Variants in CYB5B observed in about 807,000 individuals in gnomAD.
The protein encoded by CYB5B is cytochrome b5 type B (outer mitochondrial membrane).
Under a neutral mutation model 21.3 loss-of-function variants are expected in CYB5B, and 14 were observed. The ratio of observed to expected loss-of-function variants is 0.66; its 90% CI spans 0.43 to 1.03. The LOEUF (loss-of-function observed/expected upper bound fraction) is 1.03, where lower values mean the gene tolerates loss of function less well. Ranked by LOEUF, CYB5B falls within the 50% of genes least tolerant of loss-of-function variation. CYB5B has a pLI of 0.00. For missense variants in CYB5B, 166 were observed against 185.1 expected (o/e 0.90, Z 0.60); for synonymous variants, 69 against 68.4 (o/e 1.01, Z -0.04).
chr16:69,436,908 T>C (rs1411905040), intron 1 of CYB5B, among the ~76,000 whole-genome samples: 1 of 152,246 alleles, frequency 6.6e-6, no homozygotes, highest in South Asian at 2.1e-4. Flanking sequence ...GAATTAGTAA[T>C]CTGGAAGTAT....
At chr16:69,440,167 A>G (rs1044452786) in intron 1 of CYB5B, among the ~76,000 whole-genome samples, 1 of 152,194 alleles carries the variant, frequency 6.6e-6, no homozygotes, top group Non-Finnish European at 1.5e-5. Context: ...CAGCCACTGC[A>G]CCTGGCCCAT....
rs148498881 is a variant in CYB5B, at chr16:69,463,910, A to G, written c.*1390A>G. 3.3e-5 allele frequency: 5 copies of G among 152,184 alleles called. No individual in the cohort carries two copies. The highest frequency in any genetic ancestry group is 1.2e-4 in the African/African-American group (5 of 41,522). 9.4% of individuals were successfully genotyped at this position (152,184 alleles called of 1,614,324 possible). ...ATATTAGACTTTTATTTTTTCCCCC[A>G]TGGAAGCACTTGAGGAAATAAATAG... On this transcript the variant is annotated 3_prime_UTR_variant, in exon 5 of 5. Coordinates refer to ENST00000307892, the MANE Select transcript of CYB5B (RefSeq NM_030579.3).
Position 69,445,792 on chromosome 16 carries a change from A to G in CYB5B, c.175-1358A>G, listed in dbSNP as rs143980446. 2.3e-3 allele frequency among the ~76,000 whole-genome samples: 355 copies of G among 152,156 alleles called. 17 individuals carry two copies. In the East Asian group the frequency reaches 0.06, roughly 26 times the overall value. On this transcript the variant is annotated intron_variant, in intron 1 of 4. Transcript: ENST00000307892. Reference sequence around the variant, plus strand: ...CAACATGGAGAAAAACCCCGTCTCTATTAAAAATACAAAATTAGCTGGGCA... The same window carrying G: ...CAACATGGAGAAAAACCCCGTCTCTGTTAAAAATACAAAATTAGCTGGGCA...
chr16:69,435,325 A>G (rs570865021), intron 1 of CYB5B, among the ~76,000 whole-genome samples: 40 of 152,320 alleles, frequency 2.6e-4, no homozygotes, highest in African/African-American at 9.6e-4. Flanking sequence ...TTTTAATACA[A>G]AATTGCATTT....
At chr16:69,434,950 G>A (rs2014745264) in intron 1 of CYB5B, among the ~76,000 whole-genome samples, 7 of 151,736 alleles carry the variant, frequency 4.6e-5, no homozygotes, top group Non-Finnish European at 8.8e-5. Flanking sequence ...GACTAATGAT[G>A]TTGTATCTTT....
intron 1 of CYB5B, among the ~76,000 whole-genome samples, chr16:69,442,856 G>T (rs1346274423): frequency 2.1e-5 from 3 of 143,594 alleles, no homozygotes; most frequent in Non-Finnish European, 1.5e-5. Flanking sequence ...AATTCTGAGA[G>T]TCTCTAGCTC....
intron 2 of CYB5B, 105 bp from the exon 3 acceptor site, chr16:69,448,010 C>A: frequency 1.7e-6 from 2 of 1,186,678 alleles, no homozygotes; most frequent in Non-Finnish European, 2.4e-6. Flanking sequence ...AGGGAATTCA[C>A]TATCACCAGA....
intron 1 of CYB5B, among the ~76,000 whole-genome samples, chr16:69,445,359 A>G (rs1021952594): frequency 6.6e-6 from 1 of 152,196 alleles, no homozygotes; most frequent in Non-Finnish European, 1.5e-5. Context: ...TAAAAATAGA[A>G]GTTATCCTTA....
At chr16:69,445,878 C>A (rs187569519) in intron 1 of CYB5B, among the ~76,000 whole-genome samples, 2 of 152,258 alleles carry the variant, frequency 1.3e-5, no homozygotes, top group Admixed American at 1.3e-4. Flanking sequence ...ATCGCTTGAA[C>A]CCGGGTGGCA....
At chr16:69,441,185 G>C (rs1054435966) in intron 1 of CYB5B, among the ~76,000 whole-genome samples, 1 of 120,398 alleles carries the variant, frequency 8.3e-6, no homozygotes, top group African/African-American at 3.3e-5. Context: ...ATGGAGTCTT[G>C]CTCTGTTGCC....
At chr16:69,444,313 G>A (rs2014855460) in intron 1 of CYB5B, 1 of 152,688 alleles carries the variant, frequency 6.5e-6, no homozygotes, top group Middle Eastern at 3.1e-3. Context: ...CTGAGAGCTG[G>A]TCTGGCTTCT....
chr16:69,438,831 C>T (rs1431718550), intron 1 of CYB5B, among the ~76,000 whole-genome samples: 1 of 152,112 alleles, frequency 6.6e-6, no homozygotes, highest in Non-Finnish European at 1.5e-5. Flanking sequence ...TGTTAGGTTA[C>T]AGTTCTTTAT....
chr16:69,461,734 A>G (rs1403105632), intron 4 of CYB5B, among the ~76,000 whole-genome samples: 1 of 152,170 alleles, frequency 6.6e-6, no homozygotes, highest in Non-Finnish European at 1.5e-5. Context: ...CCCTGTTAGA[A>G]CTGTATATGC....
intron 1 of CYB5B, among the ~76,000 whole-genome samples, chr16:69,428,670 GAAA>G (rs1683100975): frequency 6.6e-6 from 1 of 151,792 alleles, no homozygotes; most frequent in Admixed American, 6.6e-5. Context: ...AAAAAAAAAA[GAAA>G]AATAATACAG....
chr16:69,427,252 AATC>A (rs1380608254), intron 1 of CYB5B, among the ~76,000 whole-genome samples: 1 of 152,108 alleles, frequency 6.6e-6, no homozygotes, highest in African/African-American at 2.4e-5. Flanking sequence ...AGAAAAAAAA[AATC>A]ATGTTTTTCA....
At position 69,447,162 on chromosome 16, in the gene CYB5B, G is replaced by A; in HGVS notation, c.187G>A (p.Glu63Lys). ...TRFLNEHPGGEEVLLEQAGVD... is the reference protein window; with the variant it reads ...TRFLNEHPGGKEVLLEQAGVD... ...CTTTTCCTTGTAGCACCCTGGAGGA[G>A]AAGAGGTTCTGCTGGAACAAGCTGG... The change falls in exon 2 of 5, where the codon GAA becomes AAA. Residue 63 changes from glutamate to lysine, a missense_variant. Coordinates refer to ENST00000307892, the MANE Select transcript of CYB5B (RefSeq NM_030579.3). 6.2e-7 allele frequency: 1 copy of A among 1,614,078 alleles called. No individual in the cohort carries two copies. The highest frequency in any genetic ancestry group is 8.5e-7 in the Non-Finnish European group (1 of 1,179,972).
chr16:69,462,944 T>G lies in CYB5B; in HGVS notation c.*424T>G, dbSNP rs763429881. ...ATTTTTCTTTTAAGTAAATTTTTTTTAAAAAATTCTGATTTAGGGCTAGGT... is the reference window on the plus strand; with the variant it reads ...ATTTTTCTTTTAAGTAAATTTTTTTGAAAAAATTCTGATTTAGGGCTAGGT... On this transcript the variant is annotated 3_prime_UTR_variant, in exon 5 of 5. Coordinates refer to ENST00000307892, the MANE Select transcript of CYB5B (RefSeq NM_030579.3). The G allele has an allele frequency of 6.3e-6, 1 of 159,610 alleles. No homozygotes were observed. The highest frequency in any genetic ancestry group is 1.4e-5 in the Non-Finnish European group (1 of 71,952). The allele number at this position is 159,610 out of a possible 1,614,324, so 9.9% of individuals were successfully genotyped here.
chr16:69,434,463 A>C (rs1423068337), intron 1 of CYB5B, among the ~76,000 whole-genome samples: 2 of 152,182 alleles, frequency 1.3e-5, no homozygotes, highest in African/African-American at 4.8e-5. Flanking sequence ...GCATTTTCCA[A>C]AGTGTTTATA....
rs541720327 is a variant in CYB5B at position 69,460,782 on chromosome 16, G to T, written c.363-1648G>T. On this transcript the variant is annotated intron_variant, in intron 4 of 4. Transcript: ENST00000307892. ...TCAGAGACAACCCTAATAAATTGTG[G>T]TATATTCATACAATGGAATACTACA... 2.6e-5 allele frequency among the ~76,000 whole-genome samples: 4 copies of T among 152,188 alleles called. No individual in the cohort carries two copies. In the South Asian group the frequency reaches 8.3e-4, roughly 32 times the overall value.
Sources: gnomAD v4.1 joint callset for allele counts (sites outside exome capture counted in the v4.1 genomes callset) on GRCh38, gnomAD v4.1.1 for gene constraint, MANE v1.5 for transcripts, NCBI Gene and HGNC (gene_info 2026-07-23, HGNC 2026-07-21) for gene names.